PCDH15: variants seen among roughly 807,000 people sequenced by gnomAD.
PCDH15 encodes the protein protocadherin-15.
A neutral mutation model predicts 178.5 loss-of-function variants in PCDH15; 129 were observed. The observed-to-expected ratio is 0.72, with a 90% CI of 0.63 to 0.84. The LOEUF is 0.84. Ranked by LOEUF, PCDH15 falls within the 40% of genes least tolerant of loss-of-function variation. PCDH15 has a pLI of 0.00. For synonymous variants in PCDH15, 800 were observed against 732.0 expected, an observed-to-expected ratio of 1.09 and a Z score of -1.50; for missense variants, 2,230 against 2,099.9, an observed-to-expected ratio of 1.06 and a Z score of -1.21.
At chr10:54,575,634 C>T (rs1012686917) in intron 2 of PCDH15, among the ~76,000 whole-genome samples, 1 of 151,404 alleles carries the variant, frequency 6.6e-6, no homozygotes, top group African/African-American at 2.4e-5. Flanking sequence ...TTCTACTGGG[C>T]TTACTCTACA....
intron 18 of PCDH15, among the ~76,000 whole-genome samples, chr10:54,051,901 C>A (rs573487775): frequency 6.6e-6 from 1 of 152,308 alleles, no homozygotes; most frequent in South Asian, 2.1e-4. Flanking sequence ...CCTGCTTCAG[C>A]TCCAGCCGTG....
chr10:55,211,229 G>A (rs1030992799), intron 1 of PCDH15, among the ~76,000 whole-genome samples: 3 of 152,014 alleles, frequency 2.0e-5, no homozygotes, highest in African/African-American at 7.3e-5. Context: ...GGATAACATG[G>A]ATGATAGGTT....
chr10:55,106,186 T>C (rs1842669992), intron 2 of PCDH15, among the ~76,000 whole-genome samples: 1 of 152,176 alleles, frequency 6.6e-6, no homozygotes, highest in Non-Finnish European at 1.5e-5. Flanking sequence ...TCAGGCTGGT[T>C]AAACTCTTTG....
intron 3 of PCDH15, among the ~76,000 whole-genome samples, chr10:54,856,011 A>C (rs1318361174): frequency 6.6e-6 from 1 of 152,252 alleles, no homozygotes; most frequent in African/African-American, 2.4e-5. Context: ...GAATAGAAAC[A>C]GTATCAATTG....
At chr10:55,125,421 T>G (rs1323494238) in intron 2 of PCDH15, among the ~76,000 whole-genome samples, 13 of 152,032 alleles carry the variant, frequency 8.6e-5, no homozygotes. Flanking sequence ...ATACCTAACC[T>G]GATTTACCTC....
At chr10:54,502,445 G>T (rs1016320126) in intron 3 of PCDH15, among the ~76,000 whole-genome samples, 1 of 151,966 alleles carries the variant, frequency 6.6e-6, no homozygotes, top group Non-Finnish European at 1.5e-5. Context: ...CTTTTGCACT[G>T]GTTGTTTCAC....
At chr10:54,916,960 T>G (rs1257776701) in intron 2 of PCDH15, among the ~76,000 whole-genome samples, 3 of 152,126 alleles carry the variant, frequency 2.0e-5, no homozygotes. Flanking sequence ...GATGACCATG[T>G]ATGCAGGACA....
chr10:55,362,542 T>A (rs1845255240), intron 2 of PCDH15, among the ~76,000 whole-genome samples: 1 of 152,120 alleles, frequency 6.6e-6, no homozygotes, highest in African/African-American at 2.4e-5. Context: ...TAATTTCTCT[T>A]AATGGTAATA....
chr10:53,954,214 T>C (rs1320025103), intron 23 of PCDH15, among the ~76,000 whole-genome samples: 1 of 152,206 alleles, frequency 6.6e-6, no homozygotes, highest in African/African-American at 2.4e-5. Flanking sequence ...TAATTATCTG[T>C]CATCAAAACT....
intron 35 of PCDH15, among the ~76,000 whole-genome samples, chr10:53,812,792 G>T (rs1050381597): frequency 6.6e-6 from 1 of 152,046 alleles, no homozygotes; most frequent in Admixed American, 6.6e-5. Context: ...AGAGAGGGGG[G>T]AAAAGGATAG....
chr10:55,474,668 A>T (rs999032322), intron 2 of PCDH15, among the ~76,000 whole-genome samples: 5 of 152,228 alleles, frequency 3.3e-5, no homozygotes, highest in Non-Finnish European at 7.3e-5. Context: ...AACAATGAGA[A>T]GATGTCTCCC....
chr10:53,897,342 T>G (rs1362999340), intron 26 of PCDH15, among the ~76,000 whole-genome samples: 1 of 152,108 alleles, frequency 6.6e-6, no homozygotes, highest in Non-Finnish European at 1.5e-5. Flanking sequence ...AATATAAATC[T>G]TTACTTCTGA....
At chr10:54,221,227 ATTTAT>A (rs1341167330) in intron 9 of PCDH15, among the ~76,000 whole-genome samples, 3 of 152,148 alleles carry the variant, frequency 2.0e-5, no homozygotes, top group African/African-American at 4.8e-5. Flanking sequence ...TTGCCAAAAC[ATTTAT>A]TTTAATTTTT....
intron 14 of PCDH15, among the ~76,000 whole-genome samples, chr10:54,140,851 T>C (rs947845388): frequency 6.6e-6 from 1 of 152,086 alleles, no homozygotes; most frequent in Non-Finnish European, 1.5e-5. Context: ...ACCTGGCTAA[T>C]TTTTTGTATT....
intron 2 of PCDH15, among the ~76,000 whole-genome samples, chr10:54,990,542 T>G (rs1839474673): frequency 6.6e-6 from 1 of 152,188 alleles, no homozygotes; most frequent in Admixed American, 6.5e-5. Flanking sequence ...TTCATTGAAA[T>G]TGGTTACCAC....
intron 7 of PCDH15, among the ~76,000 whole-genome samples, chr10:54,323,674 A>G (rs1425382287): frequency 1.3e-5 from 2 of 152,114 alleles, no homozygotes; most frequent in African/African-American, 2.4e-5. Flanking sequence ...CCAAGTGCCC[A>G]GGGAAATAAA....
intron 1 of PCDH15, among the ~76,000 whole-genome samples, chr10:55,231,055 A>G (rs1266406991): frequency 1.3e-5 from 2 of 152,088 alleles, no homozygotes; most frequent in African/African-American, 2.4e-5. Context: ...ATATAATTCA[A>G]TATTTGTGAT....
intron 1 of PCDH15, among the ~76,000 whole-genome samples, chr10:54,670,673 T>A (rs780317588): frequency 6.6e-6 from 1 of 152,082 alleles, no homozygotes; most frequent in Non-Finnish European, 1.5e-5. Context: ...ACACCAAAAA[T>A]GTTTTTAAAT....
chr10:53,980,469 C>T (rs1430506315), intron 21 of PCDH15, among the ~76,000 whole-genome samples: 4 of 152,156 alleles, frequency 2.6e-5, no homozygotes, highest in African/African-American at 9.6e-5. Context: ...ATCAGAGTTA[C>T]TTCAAGAGTT....
Sources: gnomAD v4.1 joint callset for allele counts (sites outside exome capture counted in the v4.1 genomes callset) on GRCh38, gnomAD v4.1.1 for gene constraint, MANE v1.5 for transcripts, NCBI Gene and HGNC (gene_info 2026-07-23, HGNC 2026-07-21) for gene names.